HLCS: variants seen among roughly 807,000 people sequenced by gnomAD.
The protein encoded by HLCS is holocarboxylase synthetase, also known as biotin--protein ligase.
A neutral mutation model predicts 75.0 loss-of-function variants in HLCS; 53 were observed. That is an observed-to-expected ratio of 0.71 (90% CI 0.57 to 0.89). HLCS has a LOEUF of 0.89. HLCS is among the 40% of genes least tolerant of loss of function. The probability of loss-of-function intolerance (pLI) is 0.00; values close to 1 mark genes in which losing one functional copy is unlikely to be tolerated. For synonymous variants in HLCS, 431 were observed against 428.6 expected, an observed-to-expected ratio of 1.01 and a Z score of -0.07; for missense variants, 966 against 1,074.0, an observed-to-expected ratio of 0.90 and a Z score of 1.41.
At chr21:36,784,963 T>C (rs2060643144) in intron 6 of HLCS, among the ~76,000 whole-genome samples, 1 of 152,144 alleles carries the variant, frequency 6.6e-6, no homozygotes, top group Non-Finnish European at 1.5e-5. Context: ...CTGAAACACC[T>C]GGGCAAACAA....
intron 6 of HLCS, among the ~76,000 whole-genome samples, chr21:36,850,478 C>G (rs865876477): frequency 2.6e-5 from 4 of 152,164 alleles, no homozygotes; most frequent in East Asian, 1.9e-4. Flanking sequence ...CTATCCTGCA[C>G]CCCCAAGCCC....
At chr21:36,918,278 A>T (rs2066015547) in intron 5 of HLCS, among the ~76,000 whole-genome samples, 1 of 152,246 alleles carries the variant, frequency 6.6e-6, no homozygotes, top group Non-Finnish European at 1.5e-5. Context: ...TCAGAGAACA[A>T]AATTAAATAT....
intron 1 of HLCS, among the ~76,000 whole-genome samples, chr21:36,985,396 G>A (rs2069209420): frequency 6.6e-6 from 1 of 152,214 alleles, no homozygotes; most frequent in Non-Finnish European, 1.5e-5. Context: ...ACTTTGGGAG[G>A]CCAAGGCGGG....
intron 2 of HLCS, among the ~76,000 whole-genome samples, chr21:36,959,323 C>A (rs867451745): frequency 1.3e-5 from 2 of 152,176 alleles, no homozygotes; most frequent in Admixed American, 1.3e-4. Context: ...CCTCAGCCCC[C>A]CTCTAGACTT....
intron 6 of HLCS, among the ~76,000 whole-genome samples, chr21:36,803,676 T>C (rs2145928313): frequency 6.7e-6 from 1 of 149,406 alleles, no homozygotes; most frequent in East Asian, 2.0e-4. Flanking sequence ...AAAGCAGAAG[T>C]AGAAAGAAAG....
intron 6 of HLCS, among the ~76,000 whole-genome samples, chr21:36,856,562 C>T (rs1173373485): frequency 6.6e-6 from 1 of 152,056 alleles, no homozygotes; most frequent in Non-Finnish European, 1.5e-5. Flanking sequence ...AATAGTAGTC[C>T]TTTGAAACCC....
intron 6 of HLCS, among the ~76,000 whole-genome samples, chr21:36,826,773 T>G (rs1328954992): frequency 6.6e-6 from 1 of 152,262 alleles, no homozygotes; most frequent in Non-Finnish European, 1.5e-5. Context: ...ATGAGGAAGC[T>G]TGTCCAAGTT....
chr21:36,754,471 G>A, intron 10 of HLCS, 54 bp from the exon 11 acceptor site: 1 of 1,551,756 alleles, frequency 6.4e-7, no homozygotes, highest in South Asian at 1.1e-5. Context: ...GACGACTTAA[G>A]ACAATGAGCT....
At chr21:36,916,330 G>C (rs919011186) in intron 5 of HLCS, among the ~76,000 whole-genome samples, 1 of 152,010 alleles carries the variant, frequency 6.6e-6, no homozygotes, top group Non-Finnish European at 1.5e-5. Context: ...GCATCCGGCT[G>C]TAAGATTTTT....
intron 6 of HLCS, among the ~76,000 whole-genome samples, chr21:36,886,664 C>A (rs2064479994): frequency 6.6e-6 from 1 of 152,176 alleles, no homozygotes; most frequent in African/African-American, 2.4e-5. Context: ...CCCTCCCCAA[C>A]CCTCTGTCAA....
At chr21:36,868,781 C>T (rs1032554418) in intron 6 of HLCS, among the ~76,000 whole-genome samples, 1 of 152,200 alleles carries the variant, frequency 6.6e-6, no homozygotes, top group Non-Finnish European at 1.5e-5. Flanking sequence ...ATTCTTCCAC[C>T]AGGCTACCAT....
chr21:36,875,490 A>G (rs1208265651), intron 6 of HLCS, among the ~76,000 whole-genome samples: 1 of 152,242 alleles, frequency 6.6e-6, no homozygotes, highest in East Asian at 1.9e-4. Context: ...GTCTGCAGAA[A>G]GGAGCTACCC....
chr21:36,791,759 G>A (rs560237476), intron 6 of HLCS, among the ~76,000 whole-genome samples: 6 of 152,190 alleles, frequency 3.9e-5, no homozygotes, highest in East Asian at 3.9e-4. Context: ...CATGGAATGC[G>A]GCTGCTCCAA....
chr21:36,925,662 G>T lies in HLCS; in HGVS notation c.1620+4589C>A, dbSNP rs2066370918. Among the ~76,000 whole-genome samples, 2 of 152,152 alleles carry T rather than the reference G, an allele frequency of 1.3e-5. 1 individual carries two copies. The highest frequency in any genetic ancestry group is 1.3e-4 in the Admixed American group (2 of 15,278). The stretch of plus-strand genomic sequence containing the variant: ...GGGTGGAGGGTGGGGGGCTGGCTCT[G>T]CCCCACACACAGATTCAGGTCCCAG... On this transcript the variant is annotated intron_variant, in intron 5 of 10. Transcript: ENST00000674895.
chr21:36,945,133 T>C (rs1211949533), intron 2 of HLCS, among the ~76,000 whole-genome samples: 1 of 151,992 alleles, frequency 6.6e-6, no homozygotes, highest in Non-Finnish European at 1.5e-5. Context: ...AAAATAAAAA[T>C]GTTGCACTAT....
At chr21:36,930,455 A>C (rs1276265145) in intron 4 of HLCS, 22 bp from the exon 5 acceptor site, 1 of 1,599,896 alleles carries the variant, frequency 6.3e-7, no homozygotes, top group South Asian at 1.1e-5. Context: ...AGATAGCACT[A>C]TGTAAACTGA....
intron 6 of HLCS, among the ~76,000 whole-genome samples, chr21:36,831,881 C>T (rs965004981): frequency 1.4e-4 from 22 of 152,126 alleles, no homozygotes; most frequent in African/African-American, 3.6e-4. Flanking sequence ...TGGCTCTGAG[C>T]AATTTCGCTA....
At chr21:36,802,326 T>G (rs1395002224) in intron 6 of HLCS, among the ~76,000 whole-genome samples, 2 of 152,194 alleles carry the variant, frequency 1.3e-5, no homozygotes, top group African/African-American at 4.8e-5. Flanking sequence ...GTCTGTTGGT[T>G]GTCCAGGCAA....
At chr21:36,907,167 A>C (rs571726031) in intron 5 of HLCS, among the ~76,000 whole-genome samples, 12 of 152,354 alleles carry the variant, frequency 7.9e-5, no homozygotes, top group South Asian at 6.2e-4. Context: ...GTATATAAAA[A>C]TTAACTTGAA....
Sources: gnomAD v4.1 joint callset for allele counts (sites outside exome capture counted in the v4.1 genomes callset) on GRCh38, gnomAD v4.1.1 for gene constraint, MANE v1.5 for transcripts, NCBI Gene and HGNC (gene_info 2026-07-23, HGNC 2026-07-21) for gene names.